L3MBTL4: variants seen among roughly 807,000 people sequenced by gnomAD.
L3MBTL4 encodes L3MBTL histone methyl-lysine binding protein 4, also known as lethal(3)malignant brain tumor-like protein 4.
A neutral mutation model predicts 84.5 loss-of-function variants in L3MBTL4; 70 were observed. The ratio of observed to expected loss-of-function variants is 0.83; its 90% CI spans 0.68 to 1.01. The LOEUF (loss-of-function observed/expected upper bound fraction) is 1.01, where lower values mean the gene tolerates loss of function less well. Among genes scored for constraint, L3MBTL4 ranks in the 50% least tolerant of loss-of-function variants. The probability of loss-of-function intolerance (pLI) is 0.00; values close to 1 mark genes in which losing one functional copy is unlikely to be tolerated. For missense variants in L3MBTL4, 715 were observed against 754.8 expected (o/e 0.95, Z 0.62); for synonymous variants, 274 against 259.8 (o/e 1.05, Z -0.52).
chr18:6,150,989 A>T (rs2042870838), intron 13 of L3MBTL4, among the ~76,000 whole-genome samples: 1 of 152,182 alleles, frequency 6.6e-6, no homozygotes, highest in African/African-American at 2.4e-5. Flanking sequence ...CCCAGTACAG[A>T]CTACAGCAGC....
At chr18:6,329,151 C>CTTTTTTTTTTTTTTTTTTTTTTT (rs992694853) in intron 1 of L3MBTL4, among the ~76,000 whole-genome samples, 5 of 126,554 alleles carry the variant, frequency 4.0e-5, no homozygotes, top group Admixed American at 8.1e-5. Flanking sequence ...TTTTTCTTTT[C>CTTTTTTTTTTTTTTTTTTTTTTT]TTTTTTTTTT....
At position 6,130,232 on chromosome 18, in the gene L3MBTL4, G is replaced by A. The variant is rs544167282; in HGVS notation, c.1199+7962C>T. On this transcript the variant is annotated intron_variant, in intron 14 of 18. Transcript: ENST00000317931. ...CAGGTGAGTTCCAGGCCTTAAACCTGACTAGTGAGACTGACACCCCCCACC... is the reference window on the plus strand; with the variant it reads ...CAGGTGAGTTCCAGGCCTTAAACCTAACTAGTGAGACTGACACCCCCCACC... Among the ~76,000 whole-genome samples, 7 of 152,130 alleles carry A rather than the reference G, an allele frequency of 4.6e-5. No individual in the cohort carries two copies. The South Asian group carries it at 1.5e-3, about 32-fold the overall frequency.
At chr18:6,206,837 T>C (rs1009184910) in intron 12 of L3MBTL4, among the ~76,000 whole-genome samples, 5 of 152,168 alleles carry the variant, frequency 3.3e-5, no homozygotes, top group East Asian at 1.9e-4. Context: ...AAAATTGATC[T>C]AAAACTAGAT....
chr18:6,070,318 T>C (rs902370739), intron 16 of L3MBTL4, among the ~76,000 whole-genome samples: 1 of 152,028 alleles, frequency 6.6e-6, no homozygotes, highest in African/African-American at 2.4e-5. Flanking sequence ...CTCCAAGACA[T>C]ACTCCTTTCA....
chr18:6,068,664 T>C (rs773229912), intron 16 of L3MBTL4, among the ~76,000 whole-genome samples: 53 of 152,328 alleles, frequency 3.5e-4, no homozygotes, highest in South Asian at 8.3e-4. Context: ...GCATCTACAC[T>C]GCATTCCTCT....
At chr18:6,312,294 CT>C (rs1310496678) in intron 1 of L3MBTL4, among the ~76,000 whole-genome samples, 3 of 152,134 alleles carry the variant, frequency 2.0e-5, no homozygotes, top group Non-Finnish European at 4.4e-5. Flanking sequence ...TTTTTTAAAA[CT>C]TTTAATAGCC....
At chr18:6,237,837 T>C (rs1599283281) in intron 10 of L3MBTL4, 127 bp downstream of exon 10, 1 of 728,094 alleles carries the variant, frequency 1.4e-6, no homozygotes, top group South Asian at 1.6e-5. Context: ...GTCAACAGAA[T>C]CTCACATAGT....
chr18:6,101,155 C>T (rs1351806864), intron 14 of L3MBTL4, among the ~76,000 whole-genome samples: 2 of 152,096 alleles, frequency 1.3e-5, no homozygotes, highest in Non-Finnish European at 2.9e-5. Flanking sequence ...AGAGATAAGC[C>T]TCTTCTCGGG....
chr18:6,371,469 G>A (rs144287833), intron 1 of L3MBTL4, among the ~76,000 whole-genome samples: 213 of 152,250 alleles, frequency 1.4e-3, no homozygotes, highest in African/African-American at 4.8e-3. Context: ...CTCATGTTGG[G>A]AAAGAGCAAC....
At chr18:6,398,263 C>G (rs2055359001) in intron 1 of L3MBTL4, among the ~76,000 whole-genome samples, 3 of 152,200 alleles carry the variant, frequency 2.0e-5, no homozygotes, top group Admixed American at 2.0e-4. Flanking sequence ...GTGGAGGCCT[C>G]TACTTCAGAT....
chr18:6,401,260 C>G (rs1417927695), intron 1 of L3MBTL4, among the ~76,000 whole-genome samples: 2 of 152,116 alleles, frequency 1.3e-5, no homozygotes, highest in Admixed American at 1.3e-4. Context: ...AATAACAGCA[C>G]GTGGCACATA....
intron 1 of L3MBTL4, among the ~76,000 whole-genome samples, chr18:6,409,049 C>T (rs1168192023): frequency 6.6e-6 from 1 of 152,162 alleles, no homozygotes; most frequent in Non-Finnish European, 1.5e-5. Flanking sequence ...TGTCTGCCTA[C>T]TTCCCTTATT....
At chr18:6,039,824 A>G (rs2056319686) in intron 16 of L3MBTL4, among the ~76,000 whole-genome samples, 1 of 152,238 alleles carries the variant, frequency 6.6e-6, no homozygotes, top group South Asian at 2.1e-4. Context: ...ACTAGAATTA[A>G]TAGTTGATTA....
chr18:6,293,405 C>A (rs2049955381), intron 4 of L3MBTL4, among the ~76,000 whole-genome samples: 1 of 151,964 alleles, frequency 6.6e-6, no homozygotes, highest in African/African-American at 2.4e-5. Context: ...CAAAAGGACA[C>A]CAAAACCAGC....
At chr18:6,138,119 G>T in intron 14 of L3MBTL4, 75 bp downstream of exon 14, 1 of 975,278 alleles carries the variant, frequency 1.0e-6, no homozygotes, top group Non-Finnish European at 1.6e-6. Context: ...ACTCATTTAT[G>T]ATGCTCCATG....
At chr18:6,331,150 C>G (rs2052012066) in intron 1 of L3MBTL4, among the ~76,000 whole-genome samples, 1 of 152,034 alleles carries the variant, frequency 6.6e-6, no homozygotes, top group Non-Finnish European at 1.5e-5. Flanking sequence ...CTTTTTATTC[C>G]TATCTGGGGA....
intron 4 of L3MBTL4, among the ~76,000 whole-genome samples, chr18:6,283,969 T>C (rs2049439321): frequency 1.3e-5 from 2 of 152,188 alleles, no homozygotes; most frequent in Non-Finnish European, 1.5e-5. Flanking sequence ...AAACCACAGC[T>C]AAATAACCAA....
At chr18:6,330,009 C>A (rs2729734) in intron 1 of L3MBTL4, among the ~76,000 whole-genome samples, 17,800 of 152,178 alleles carry the variant, frequency 0.12, 1,909 homozygotes, top group African/African-American at 0.28. Context: ...GTTCACCTTT[C>A]CTCTTGTATA....
At chr18:6,378,668 G>A (rs1347559859) in intron 1 of L3MBTL4, among the ~76,000 whole-genome samples, 1 of 152,100 alleles carries the variant, frequency 6.6e-6, no homozygotes. Context: ...GTTCTGTTCT[G>A]TTGGTCTATA....
Sources: allele counts gnomAD v4.1 joint callset (sites outside exome capture counted in the v4.1 genomes callset), GRCh38; gene constraint gnomAD v4.1.1; transcripts MANE v1.5; gene names NCBI Gene and HGNC (gene_info 2026-07-23, HGNC 2026-07-21).